The following MGAT4C variants were observed in gnomAD, a reference collection of about 807,000 sequenced individuals.
MGAT4C encodes the protein alpha-1,3-mannosyl-glycoprotein 4-beta-N-acetylglucosaminyltransferase C.
MGAT4C carries 19 observed loss-of-function variants against 40.1 expected under a neutral mutation model. The observed-to-expected ratio is 0.47, with a 90% CI of 0.33 to 0.70. The LOEUF is 0.70. Among genes scored for constraint, MGAT4C ranks in the 30% least tolerant of loss-of-function variants. The pLI is 0.02. For missense variants in MGAT4C, 491 were observed against 563.2 expected (o/e 0.87, Z 1.30); for synonymous variants, 181 against 187.1 (o/e 0.97, Z 0.27).
intron 1 of MGAT4C, among the ~76,000 whole-genome samples, chr12:86,166,884 G>A (rs889161998): frequency 2.0e-5 from 3 of 151,960 alleles, no homozygotes; most frequent in African/African-American, 4.8e-5. Flanking sequence ...ATATTAACAC[G>A]ATAAAGTAAA....
intron 3 of MGAT4C, among the ~76,000 whole-genome samples, chr12:86,405,071 A>G (rs1956437968): frequency 6.6e-6 from 1 of 152,084 alleles, no homozygotes; most frequent in African/African-American, 2.4e-5. Context: ...AGAAACTATG[A>G]AAGATTCCCC....
At chr12:86,786,022 T>G (rs1951925851) in intron 1 of MGAT4C, among the ~76,000 whole-genome samples, 1 of 152,068 alleles carries the variant, frequency 6.6e-6, no homozygotes, top group Non-Finnish European at 1.5e-5. Context: ...TCTACAACAC[T>G]ATAATTCCCC....
intron 1 of MGAT4C, among the ~76,000 whole-genome samples, chr12:86,757,266 G>A (rs1951321808): frequency 6.6e-6 from 1 of 152,040 alleles, no homozygotes; most frequent in Non-Finnish European, 1.5e-5. Context: ...ACCTAATGTA[G>A]GTGACAGGTT....
chr12:86,667,852 T>C (rs1475573862), intron 2 of MGAT4C, among the ~76,000 whole-genome samples: 1 of 152,200 alleles, frequency 6.6e-6, no homozygotes. Flanking sequence ...TAGTAACCCA[T>C]AGTCTAAAAT....
intron 1 of MGAT4C, among the ~76,000 whole-genome samples, chr12:86,149,355 T>C (rs528003564): frequency 1.3e-5 from 2 of 152,324 alleles, no homozygotes; most frequent in East Asian, 1.9e-4. Context: ...GACATGGCTA[T>C]GTCATTTCAA....
intron 2 of MGAT4C, among the ~76,000 whole-genome samples, chr12:86,621,540 A>G (rs899255891): frequency 2.6e-5 from 4 of 152,126 alleles, no homozygotes; most frequent in South Asian, 2.1e-4. Context: ...GTGCAGTGGC[A>G]TGATCAAAGC....
chr12:86,235,421 C>T (rs1303236586), intron 1 of MGAT4C, among the ~76,000 whole-genome samples: 1 of 152,032 alleles, frequency 6.6e-6, no homozygotes, highest in Non-Finnish European at 1.5e-5. Flanking sequence ...TCTCCAGTGA[C>T]TTCCTCCTTC....
intron 2 of MGAT4C, among the ~76,000 whole-genome samples, chr12:86,628,006 TA>T (rs1962877906): frequency 6.6e-6 from 1 of 150,844 alleles, no homozygotes; most frequent in African/African-American, 2.4e-5. Flanking sequence ...GAAAAAAGAT[TA>T]GATGTATGGC....
intron 1 of MGAT4C, among the ~76,000 whole-genome samples, chr12:86,798,862 A>G (rs1386670490): frequency 1.3e-5 from 2 of 151,914 alleles, no homozygotes; most frequent in Non-Finnish European, 2.9e-5. Context: ...CAAGGTAAAT[A>G]TAACATCTTT....
Position 85,965,127 on chromosome 12 carries a change from A to C in MGAT4C, c.*14162T>G, listed in dbSNP as rs929229981. Reference sequence around the variant, plus strand: ...GTGTTGAATATTTATTTATTTGTTTATTTTTATTATACTTTAAGTTTTAGG... The same window carrying C: ...GTGTTGAATATTTATTTATTTGTTTCTTTTTATTATACTTTAAGTTTTAGG... On this transcript the variant is annotated 3_prime_UTR_variant, in exon 5 of 5. Transcript: ENST00000611864. 6.6e-6 allele frequency: 1 copy of C among 151,980 alleles called. No homozygotes were observed. The highest frequency in any genetic ancestry group is 6.6e-5 in the Admixed American group (1 of 15,248). The allele number at this position is 151,980 out of a possible 1,614,324, so 9.4% of individuals were successfully genotyped here. A position where few individuals can be genotyped will look rare whatever the true frequency, so the allele number is the denominator to read the frequency against.
chr12:86,764,956 C>A (rs1011215853), intron 1 of MGAT4C, among the ~76,000 whole-genome samples: 1 of 152,136 alleles, frequency 6.6e-6, no homozygotes, highest in Admixed American at 6.5e-5. Flanking sequence ...AAAAGCAGAG[C>A]GCCTCTCCTA....
At chr12:86,529,186 A>T (rs1164561904) in intron 2 of MGAT4C, among the ~76,000 whole-genome samples, 1 of 152,094 alleles carries the variant, frequency 6.6e-6, no homozygotes, top group African/African-American at 2.4e-5. Context: ...GGCCTATAAA[A>T]TAACTTTTTT....
chr12:85,972,711 T>C lies in MGAT4C; in HGVS notation c.*6578A>G, dbSNP rs570111161. ...TACATTAAAGGATGGACAATTATGA[T>C]AAAGGATCTGAGATAATTGGACAAT... is the stretch of plus-strand genomic sequence containing the variant. On this transcript the variant is annotated 3_prime_UTR_variant, in exon 5 of 5. Coordinates refer to ENST00000611864, the MANE Select transcript of MGAT4C (RefSeq NM_001351288.2). 6.6e-6 allele frequency: 1 copy of C among 151,080 alleles called. No individual in the cohort carries two copies. The highest frequency in any genetic ancestry group is 1.5e-5 in the Non-Finnish European group (1 of 67,180). The allele number at this position is 151,080 out of a possible 1,614,324, so 9.4% of individuals were successfully genotyped here. A position where few individuals can be genotyped will look rare whatever the true frequency, so the allele number is the denominator to read the frequency against.
At chr12:86,198,795 T>A (rs998333556) in intron 1 of MGAT4C, among the ~76,000 whole-genome samples, 2 of 152,154 alleles carry the variant, frequency 1.3e-5, no homozygotes, top group Admixed American at 1.3e-4. Context: ...CATTTACCGG[T>A]TGAAAATTCC....
intron 1 of MGAT4C, among the ~76,000 whole-genome samples, chr12:86,160,924 TG>T (rs1333921978): frequency 2.0e-5 from 3 of 152,088 alleles, no homozygotes; most frequent in African/African-American, 4.8e-5. Flanking sequence ...TCTATATGCA[TG>T]TATATCTTAA....
At chr12:86,508,636 C>T (rs369563277) in intron 2 of MGAT4C, among the ~76,000 whole-genome samples, 64 of 151,384 alleles carry the variant, frequency 4.2e-4, no homozygotes, top group African/African-American at 1.4e-3. Flanking sequence ...ATCGCCACAC[C>T]GACCTTCACA....
chr12:86,599,918 T>G (rs771965922), intron 2 of MGAT4C, among the ~76,000 whole-genome samples: 41 of 152,304 alleles, frequency 2.7e-4, no homozygotes, highest in East Asian at 5.8e-4. Flanking sequence ...CAGTGGTTTT[T>G]TTTTGTTTTG....
intron 3 of MGAT4C, among the ~76,000 whole-genome samples, chr12:86,372,080 T>G: frequency 6.6e-6 from 1 of 151,900 alleles, no homozygotes; most frequent in Non-Finnish European, 1.5e-5. Flanking sequence ...ATTTTATGTA[T>G]AGTAATCATA....
intron 1 of MGAT4C, among the ~76,000 whole-genome samples, chr12:86,248,096 A>C: frequency 6.6e-6 from 1 of 152,054 alleles, no homozygotes; most frequent in Non-Finnish European, 1.5e-5. Context: ...GAATTTCCTA[A>C]GGCTTCTTGA....
Sources: gnomAD v4.1 joint callset for allele counts (sites outside exome capture counted in the v4.1 genomes callset) on GRCh38, gnomAD v4.1.1 for gene constraint, MANE v1.5 for transcripts, NCBI Gene and HGNC (gene_info 2026-07-23, HGNC 2026-07-21) for gene names.